The following ROBO1 variants were observed in gnomAD, a reference collection of about 807,000 sequenced individuals.
ROBO1 encodes roundabout guidance receptor 1.
Under a neutral mutation model 195.9 loss-of-function variants are expected in ROBO1, and 149 were observed. The observed-to-expected ratio is 0.76, with a 90% confidence interval of 0.67 to 0.87. The LOEUF (loss-of-function observed/expected upper bound fraction) is 0.87. Among genes scored for constraint, ROBO1 ranks in the 40% least tolerant of loss-of-function variants. The probability of loss-of-function intolerance (pLI) is 0.00; values close to 1 mark genes in which losing one functional copy is unlikely to be tolerated. For missense variants in ROBO1, 1,933 were observed against 2,068.3 expected (o/e 0.93, Z 1.27); for synonymous variants, 816 against 733.2 (o/e 1.11, Z -1.82).
At chr3:78,644,889 G>C (rs557455290) in intron 21 of ROBO1, among the ~76,000 whole-genome samples, 1 of 152,310 alleles carries the variant, frequency 6.6e-6, no homozygotes, top group South Asian at 2.1e-4. Context: ...GATTAGTGAG[G>C]AGGTTGAAAT....
At chr3:79,442,324 A>G (rs1293405398) in intron 2 of ROBO1, among the ~76,000 whole-genome samples, 19 of 152,180 alleles carry the variant, frequency 1.2e-4, no homozygotes, top group Admixed American at 5.2e-4. Flanking sequence ...TGGTGGTAAT[A>G]TAAAAACATA....
chr3:79,575,559 TA>T (rs1444545017), intron 2 of ROBO1, among the ~76,000 whole-genome samples: 1 of 137,716 alleles, frequency 7.3e-6, no homozygotes, highest in African/African-American at 2.6e-5. Flanking sequence ...ATATAACAAA[TA>T]TATATAAATA....
intron 28 of ROBO1, among the ~76,000 whole-genome samples, chr3:78,613,935 C>T (rs982538682): frequency 6.6e-6 from 1 of 152,136 alleles, no homozygotes; most frequent in Non-Finnish European, 1.5e-5. Flanking sequence ...GCAAACTTGA[C>T]AACAGCAGTG....
At chr3:79,136,816 T>C (rs1433565132) in intron 2 of ROBO1, among the ~76,000 whole-genome samples, 2 of 152,050 alleles carry the variant, frequency 1.3e-5, no homozygotes, top group African/African-American at 2.4e-5. Context: ...ATATAAGTTA[T>C]GTTATAGAGA....
intron 26 of ROBO1, among the ~76,000 whole-genome samples, chr3:78,619,151 T>G (rs1704300196): frequency 6.6e-6 from 1 of 152,106 alleles, no homozygotes; most frequent in Non-Finnish European, 1.5e-5. Context: ...AGAGATGACA[T>G]ATGGAGGACT....
At chr3:78,722,715 A>C (rs1474877778) in intron 5 of ROBO1, among the ~76,000 whole-genome samples, 1 of 152,152 alleles carries the variant, frequency 6.6e-6, no homozygotes, top group Non-Finnish European at 1.5e-5. Context: ...TAAATCCTAG[A>C]TCAATTTTCA....
intron 3 of ROBO1, among the ~76,000 whole-genome samples, chr3:79,106,639 T>C (rs1384885723): frequency 6.6e-6 from 1 of 151,570 alleles, no homozygotes; most frequent in Non-Finnish European, 1.5e-5. Context: ...TAGACCTACA[T>C]TAAAATTTAA....
intron 2 of ROBO1, among the ~76,000 whole-genome samples, chr3:79,391,697 C>T (rs1054356453): frequency 1.3e-4 from 19 of 151,924 alleles, no homozygotes; most frequent in African/African-American, 4.4e-4. Flanking sequence ...TGAATTTTAT[C>T]GCTGATTTTA....
intron 2 of ROBO1, among the ~76,000 whole-genome samples, chr3:79,284,033 A>C (rs772170083): frequency 1.1e-4 from 16 of 151,738 alleles, no homozygotes; most frequent in Non-Finnish European, 2.4e-4. Flanking sequence ...CTGTTTTGTA[A>C]GTTCTGGGTC....
intron 1 of ROBO1, among the ~76,000 whole-genome samples, chr3:79,620,129 C>T (rs1288462312): frequency 6.6e-6 from 1 of 152,220 alleles, no homozygotes; most frequent in Non-Finnish European, 1.5e-5. Context: ...GGAATGTCAA[C>T]AGCCCAGGAT....
intron 3 of ROBO1, among the ~76,000 whole-genome samples, chr3:79,074,046 T>G (rs1321814770): frequency 6.6e-6 from 1 of 151,884 alleles, no homozygotes; most frequent in Admixed American, 6.6e-5. Flanking sequence ...ACAATTACTT[T>G]TCAAATATAA....
intron 3 of ROBO1, among the ~76,000 whole-genome samples, chr3:79,043,296 C>CA (rs1306424333): frequency 6.6e-6 from 1 of 152,086 alleles, no homozygotes; most frequent in African/African-American, 2.4e-5. Context: ...TCCATGTCCT[C>CA]AAGTGGTCTG....
At chr3:79,412,874 A>ATTTTTTCTTTTTTTTTTT (rs2037833918) in intron 2 of ROBO1, among the ~76,000 whole-genome samples, 1 of 38,338 alleles carries the variant, frequency 2.6e-5, no homozygotes, top group Non-Finnish European at 4.3e-5. Context: ...TCATGAGCTG[A>ATTTTTTCTTTTTTTTTTT]TTTTTTTTTT....
chr3:79,379,783 C>T (rs1050004124), intron 2 of ROBO1, among the ~76,000 whole-genome samples: 21 of 151,984 alleles, frequency 1.4e-4, no homozygotes, highest in East Asian at 7.7e-4. Context: ...TGCCACCAGG[C>T]GACAAAAATC....
chr3:79,677,683 T>C (rs951318151), intron 1 of ROBO1, among the ~76,000 whole-genome samples: 1 of 152,086 alleles, frequency 6.6e-6, no homozygotes, highest in African/African-American at 2.4e-5. Context: ...TCTCTGTGGC[T>C]GGCCTGTAGA....
chr3:78,716,145 T>C (rs2081896961), intron 7 of ROBO1, among the ~76,000 whole-genome samples: 1 of 152,244 alleles, frequency 6.6e-6, no homozygotes, highest in African/African-American at 2.4e-5. Context: ...TGTGTCATGA[T>C]TCTTTCAGAA....
chr3:79,607,825 C>T (rs1001294083), intron 1 of ROBO1, among the ~76,000 whole-genome samples: 3 of 151,906 alleles, frequency 2.0e-5, no homozygotes, highest in Non-Finnish European at 4.4e-5. Flanking sequence ...GTGGCTCTCC[C>T]TAGAGAGGAT....
intron 2 of ROBO1, among the ~76,000 whole-genome samples, chr3:79,201,341 G>C (rs1478382224): frequency 6.6e-6 from 1 of 151,938 alleles, no homozygotes; most frequent in Non-Finnish European, 1.5e-5. Flanking sequence ...TGTCAGTAGA[G>C]AGAATATGTT....
At chr3:79,479,626 C>A (rs1021661749) in intron 2 of ROBO1, among the ~76,000 whole-genome samples, 1 of 152,082 alleles carries the variant, frequency 6.6e-6, no homozygotes, top group Non-Finnish European at 1.5e-5. Flanking sequence ...TGGAAAGTTA[C>A]CTTACCATGA....
Sources: gnomAD v4.1 joint callset for allele counts (sites outside exome capture counted in the v4.1 genomes callset) on GRCh38, gnomAD v4.1.1 for gene constraint, MANE v1.5 for transcripts, NCBI Gene and HGNC (gene_info 2026-07-23, HGNC 2026-07-21) for gene names.